Variants in SLC7A2 observed in about 807,000 individuals in gnomAD.
SLC7A2 encodes solute carrier family 7 member 2, also known as cationic amino acid transporter 2.
In SLC7A2, 48 loss-of-function variants were observed where a neutral mutation model predicts 58.9. That is an observed-to-expected ratio of 0.82 (90% CI 0.65 to 1.04). SLC7A2 has a LOEUF of 1.04. Among genes scored for constraint, SLC7A2 ranks in the 50% least tolerant of loss-of-function variants. The pLI is 0.00. For synonymous variants in SLC7A2, 363 were observed against 314.5 expected (o/e 1.15, Z -1.63); for missense variants, 1,029 against 818.8 (o/e 1.26, Z -3.13).
At chr8:17,564,249 G>T (rs1803159566) in intron 12 of SLC7A2, among the ~76,000 whole-genome samples, 1 of 151,996 alleles carries the variant, frequency 6.6e-6, no homozygotes, top group Admixed American at 6.6e-5. Flanking sequence ...TTGTATTTAG[G>T]GTATAATTTG....
At chr8:17,497,929 C>T (rs577544040) in intron 1 of SLC7A2, among the ~76,000 whole-genome samples, 1 of 152,338 alleles carries the variant, frequency 6.6e-6, no homozygotes, top group South Asian at 2.1e-4. Context: ...CCCAGAGTAC[C>T]TGTCCGTTCA....
In SLC7A2 at chr8:17,520,004, T is replaced by C. The variant is rs114318408; in HGVS notation, c.-23+17702T>C. On this transcript the variant is annotated intron_variant, in intron 2 of 12. Transcript: ENST00000494857. ...CAATGACTTGGGAAAAGAAGAGTTT[T>C]CTGTGAGAAAGAATTAGTGATGATC... Among the ~76,000 whole-genome samples, 1,369 of 152,298 alleles carry C rather than the reference T, an allele frequency of 9.0e-3. 20 individuals carry two copies. Among genetic ancestry groups the C allele is most frequent in the African/African-American group, 0.032 (1,322 of 41,556 alleles).
chr8:17,502,273 G>C lies in SLC7A2; in HGVS notation c.-52G>C, dbSNP rs1800190545. 6.6e-6 allele frequency: 1 copy of C among 151,948 alleles called. No homozygotes were observed. The highest frequency in any genetic ancestry group is 6.6e-5 in the Admixed American group (1 of 15,242). The allele number at this position is 151,948 out of a possible 1,614,324, so 9.4% of individuals were successfully genotyped here. ...TTCTCCCAGCAGGAGACTCTCTGAA[G>C]ACCAGCAGGAAAGCAGTGAGCCCTT... On this transcript the variant is annotated 5_prime_UTR_variant, in exon 2 of 13. Coordinates refer to ENST00000494857, the MANE Select transcript of SLC7A2 (RefSeq NM_001370338.1).
rs1803293714 is a variant in SLC7A2, at chr8:17,566,968, GTA to G, written c.*1825_*1826del. 1.3e-5 allele frequency: 2 copies of G among 152,586 alleles called. No individual in the cohort carries two copies. The highest frequency in any genetic ancestry group is 4.1e-4 in the South Asian group (2 of 4,834). The allele number at this position is 152,586 out of a possible 1,614,324, so 9.5% of individuals were successfully genotyped here. A position where few individuals can be genotyped will look rare whatever the true frequency, so the allele number is the denominator to read the frequency against. On this transcript the variant is annotated 3_prime_UTR_variant, in exon 13 of 13. Transcript: ENST00000494857. ...TTAAAAAGCAAGTTGCGATGGTTTT[GTA>G]TAGCCAGGAGTTTATTGTGATTAAA...
chr8:17,514,587 C>T (rs1800727914), intron 2 of SLC7A2, among the ~76,000 whole-genome samples: 1 of 152,164 alleles, frequency 6.6e-6, no homozygotes, highest in Non-Finnish European at 1.5e-5. Context: ...CCTTTTATAG[C>T]TGTTCTGAGT....
At chr8:17,541,155 A>G (rs1428689983) in intron 2 of SLC7A2, among the ~76,000 whole-genome samples, 1 of 152,182 alleles carries the variant, frequency 6.6e-6, no homozygotes, top group Non-Finnish European at 1.5e-5. Flanking sequence ...CTGTATAAAA[A>G]TGCTTAAATA....
intron 2 of SLC7A2, among the ~76,000 whole-genome samples, chr8:17,506,503 C>G (rs781534191): frequency 5.3e-5 from 8 of 152,160 alleles, no homozygotes; most frequent in Non-Finnish European, 8.8e-5. Flanking sequence ...CCTTTCTAGC[C>G]TCCCTCGCCG....
chr8:17,494,507 A>G (rs774423013), upstream of SLC7A2, among the ~76,000 whole-genome samples: 2 of 152,162 alleles, frequency 1.3e-5, no homozygotes, highest in Non-Finnish European at 2.9e-5. Context: ...GGTGGGTGCA[A>G]ATTTTACTCA....
chr8:17,553,269 T>G (rs543394815), intron 7 of SLC7A2, among the ~76,000 whole-genome samples: 1 of 152,288 alleles, frequency 6.6e-6, no homozygotes, highest in East Asian at 1.9e-4. Flanking sequence ...GAGGCTGGTC[T>G]TGAACTCCTG....
rs1429013687 is a variant in SLC7A2 at position 17,543,674 on chromosome 8, C to T, written c.335C>T (p.Ala112Val). 2 of 1,523,744 alleles carry T rather than the reference C, an allele frequency of 1.3e-6. No homozygotes were observed. Among genetic ancestry groups the T allele is most frequent in the Admixed American group, 2.2e-5 (1 of 45,098 alleles). 94.4% of individuals were successfully genotyped at this position (1,523,744 alleles called of 1,614,324 possible). A position where few individuals can be genotyped will look rare whatever the true frequency, so the allele number is the denominator to read the frequency against. The change falls in exon 3 of 13, where the codon GCC becomes GTC. Residue 112 changes from alanine (A) to valine (V), a missense_variant. Transcript: ENST00000494857. ...YTYVTVGELW[A>V]FITGWNLILS... ...TACGTGACTGTCGGAGAGCTGTGGG[C>T]CTTCATCACTGGCTGGAATCTCATT...
intron 4 of SLC7A2, among the ~76,000 whole-genome samples, chr8:17,548,013 G>A (rs557222137): frequency 4.6e-5 from 7 of 152,208 alleles, no homozygotes; most frequent in Admixed American, 3.3e-4. Flanking sequence ...TGTGTGCATG[G>A]CAGACAAATG....
chr8:17,531,333 A>G (rs1801442798), intron 2 of SLC7A2, among the ~76,000 whole-genome samples: 1 of 152,232 alleles, frequency 6.6e-6, no homozygotes, highest in Non-Finnish European at 1.5e-5. Flanking sequence ...GTTTTAGAGG[A>G]CAGAAAAATA....
chr8:17,532,352 C>G (rs1239229841), intron 2 of SLC7A2, among the ~76,000 whole-genome samples: 7 of 151,626 alleles, frequency 4.6e-5, no homozygotes, highest in Admixed American at 3.3e-4. Context: ...TGACCCCAAT[C>G]CCAGTGTGAG....
At chr8:17,506,648 T>G (rs984843912) in intron 2 of SLC7A2, among the ~76,000 whole-genome samples, 3 of 152,228 alleles carry the variant, frequency 2.0e-5, no homozygotes, top group African/African-American at 7.2e-5. Flanking sequence ...CATCTGAGGT[T>G]AGACAGCTAG....
Position 17,566,112 on chromosome 8 carries a change from T to C in SLC7A2, c.*966T>C, listed in dbSNP as rs1276943130. On this transcript the variant is annotated 3_prime_UTR_variant, in exon 13 of 13. Transcript: ENST00000494857. Reference sequence around the variant, plus strand: ...CAAGCATCCTTTTCTAAAAAGTGACTTAAAATAAGCCAACAGACTCTCCCA... The same window carrying C: ...CAAGCATCCTTTTCTAAAAAGTGACCTAAAATAAGCCAACAGACTCTCCCA... 6.6e-6 allele frequency: 1 copy of C among 152,226 alleles called. No individual in the cohort carries two copies. The highest frequency in any genetic ancestry group is 2.4e-5 in the African/African-American group (1 of 41,454). The allele number at this position is 152,226 out of a possible 1,614,324, so 9.4% of individuals were successfully genotyped here.
At chr8:17,541,909 AT>A (rs1283998935) in intron 2 of SLC7A2, among the ~76,000 whole-genome samples, 1 of 151,816 alleles carries the variant, frequency 6.6e-6, no homozygotes, top group South Asian at 2.1e-4. Flanking sequence ...TTATAACCTG[AT>A]TTTTTTTCAG....
intron 4 of SLC7A2, among the ~76,000 whole-genome samples, chr8:17,548,335 T>C (rs570833762): frequency 1.3e-5 from 2 of 152,298 alleles, no homozygotes; most frequent in African/African-American, 4.8e-5. Flanking sequence ...AGCGAGACTC[T>C]GTCTCAAAAA....
Position 17,543,418 on chromosome 8 carries a change from G to A in SLC7A2, c.79G>A (p.Asp27Asn), listed in dbSNP as rs1320347543. 1.9e-6 allele frequency: 3 copies of A among 1,614,094 alleles called. No homozygotes were observed. Among genetic ancestry groups the A allele is most frequent in the Middle Eastern group, 1.6e-4 (1 of 6,084 alleles). ...RKIVTLDSLEDTKLCRCLSTM... is the reference protein window; with the variant it reads ...RKIVTLDSLENTKLCRCLSTM... ...AATCGTGACCCTGGACAGTCTAGAA[G>A]ACACCAAATTATGCCGCTGCTTATC... The change falls in exon 3 of 13, where the codon GAC (aspartate) becomes AAC (asparagine). Residue 27 changes from aspartate (D) to asparagine (N), a missense_variant. Transcript: ENST00000494857.
Position 17,544,687 on chromosome 8 carries a change from C to A in SLC7A2, c.532+81C>A, listed in dbSNP as rs573992681. On this transcript the variant is annotated intron_variant, in intron 4 of 12. Transcript: ENST00000494857. The stretch of plus-strand genomic sequence containing the variant: ...AAATAGGTTACTTCTGAATTTGGGG[C>A]CTGAGTTCCCAAGATGAGATTAGTA... The A allele has an allele frequency of 4.2e-5, 52 of 1,233,170 alleles. 1 individual carries two copies. The South Asian group carries it at 4.7e-4, about 11-fold the overall frequency. The allele number at this position is 1,233,170 out of a possible 1,614,324, so 76.4% of individuals were successfully genotyped here.
Sources: allele counts gnomAD v4.1 joint callset (sites outside exome capture counted in the v4.1 genomes callset), GRCh38; gene constraint gnomAD v4.1.1; transcripts MANE v1.5; gene names NCBI Gene and HGNC (gene_info 2026-07-23, HGNC 2026-07-21).